GARIN1A: variants seen among roughly 807,000 people sequenced by gnomAD.
The protein encoded by GARIN1A is Golgi-associated RAB2 interactor protein 1A.
At chr7:128,699,163 TA>T in the GARIN1A span, among the ~76,000 whole-genome samples, 1 of 149,628 alleles carries the variant, frequency 6.7e-6, no homozygotes, top group Non-Finnish European at 1.5e-5. Context: ...GAATTTTTAA[TA>T]AAAAATTTTA....
At chr7:128,704,468 C>T in the GARIN1A span, among the ~76,000 whole-genome samples, 175 of 152,184 alleles carry the variant, frequency 1.1e-3, no homozygotes, top group African/African-American at 4.1e-3. Context: ...CCACACCTGG[C>T]TAATTTTTGT....
chr7:128,689,449 C>A, the GARIN1A span, among the ~76,000 whole-genome samples: 1 of 152,032 alleles, frequency 6.6e-6, no homozygotes, highest in Non-Finnish European at 1.5e-5. Context: ...GCCGTGACCC[C>A]GACTGGGAGG....
chr7:128,676,714 T>C, the GARIN1A span, among the ~76,000 whole-genome samples: 946 of 151,920 alleles, frequency 6.2e-3, 5 homozygotes, highest in Non-Finnish European at 9.1e-3. Flanking sequence ...ACAGCTATCC[T>C]TTTCCTTGCC....
the GARIN1A span, among the ~76,000 whole-genome samples, chr7:128,676,267 C>T: frequency 1.0e-4 from 15 of 149,370 alleles, no homozygotes; most frequent in Admixed American, 8.8e-4. Context: ...GCCTCGGCCT[C>T]CCAAAGTGCT....
At chr7:128,676,986 A>G in the GARIN1A span, among the ~76,000 whole-genome samples, 2 of 151,514 alleles carry the variant, frequency 1.3e-5, no homozygotes, top group African/African-American at 4.9e-5. Flanking sequence ...CAACCTGGGC[A>G]ACATAGGGAG....
chr7:128,687,270 C>G, the GARIN1A span: 6 of 152,290 alleles, frequency 3.9e-5, no homozygotes, highest in Admixed American at 2.0e-4. Context: ...GAACTGTGAA[C>G]TCTGTCATAA....
chr7:128,680,099 C>T, the GARIN1A span: 1 of 1,579,766 alleles, frequency 6.3e-7, no homozygotes, highest in Non-Finnish European at 8.6e-7. Flanking sequence ...CTGAGCAGAC[C>T]AGTGGCAGTT....
At chr7:128,677,909 T>A in the GARIN1A span, 1 of 1,078,004 alleles carries the variant, frequency 9.3e-7, no homozygotes, top group Non-Finnish European at 1.3e-6. Flanking sequence ...TTCCATGTCT[T>A]TTAAAAGCTC....
At chr7:128,675,127 T>G in the GARIN1A span, among the ~76,000 whole-genome samples, 1 of 152,126 alleles carries the variant, frequency 6.6e-6, no homozygotes, top group African/African-American at 2.4e-5. Context: ...GCATCCAGTC[T>G]TTCTGTCCTG....
At chr7:128,680,086 C>T in the GARIN1A span, 42 of 1,581,816 alleles carry the variant, frequency 2.7e-5, no homozygotes, top group Admixed American at 9.1e-5. Context: ...GTGCTGCTGG[C>T]GGCTGAGCAG....
At chr7:128,677,245 C>T in the GARIN1A span, among the ~76,000 whole-genome samples, 1 of 151,732 alleles carries the variant, frequency 6.6e-6, no homozygotes, top group East Asian at 2.0e-4. Context: ...TGGTGGCTCA[C>T]GCCTGTAATC....
At chr7:128,690,290 G>T in the GARIN1A span, among the ~76,000 whole-genome samples, 1 of 152,176 alleles carries the variant, frequency 6.6e-6, no homozygotes, top group South Asian at 2.1e-4. Context: ...AGGGTCCTCT[G>T]CCTAGGAAAA....
At chr7:128,680,138 C>T in the GARIN1A span, 1 of 1,557,452 alleles carries the variant, frequency 6.4e-7, no homozygotes, top group Non-Finnish European at 8.7e-7. Flanking sequence ...AGCCCCAGCT[C>T]ACAGCAGACA....
chr7:128,704,680 ATC>A, the GARIN1A span, among the ~76,000 whole-genome samples: 2 of 152,150 alleles, frequency 1.3e-5, 1 homozygote, highest in Admixed American at 1.3e-4. Flanking sequence ...GCCTATGAGA[ATC>A]TAACGCCGCC....
the GARIN1A span, among the ~76,000 whole-genome samples, chr7:128,700,279 ATTTTGT>A: frequency 2.5e-5 from 3 of 119,472 alleles, no homozygotes; most frequent in African/African-American, 9.5e-5. Flanking sequence ...TTTGTTTTGT[ATTTTGT>A]TTTTTTTTTT....
chr7:128,685,787 T>C, the GARIN1A span: 4 of 152,336 alleles, frequency 2.6e-5, no homozygotes, highest in East Asian at 7.7e-4. Flanking sequence ...CTCTGAGAAG[T>C]GTCCCTCAGT....
the GARIN1A span, chr7:128,685,025 C>G: frequency 7.9e-5 from 12 of 152,162 alleles, no homozygotes; most frequent in African/African-American, 2.9e-4. Context: ...CCTCAGCCTC[C>G]CAAGTAGCTG....
At chr7:128,673,179 A>C in the GARIN1A span, among the ~76,000 whole-genome samples, 2 of 152,186 alleles carry the variant, frequency 1.3e-5, no homozygotes, top group East Asian at 3.9e-4. Context: ...ATCAGCCAGT[A>C]AGCACACACT....
At chr7:128,701,251 A>G in the GARIN1A span, among the ~76,000 whole-genome samples, 2 of 147,836 alleles carry the variant, frequency 1.4e-5, no homozygotes, top group Non-Finnish European at 3.0e-5. Flanking sequence ...GCTTCCACCA[A>G]GTGAAAATAG....
Sources: gnomAD v4.1 joint callset for allele counts (sites outside exome capture counted in the v4.1 genomes callset) on GRCh38, gnomAD v4.1.1 for gene constraint, MANE v1.5 for transcripts, NCBI Gene and HGNC (gene_info 2026-07-23, HGNC 2026-07-21) for gene names.